The following RGS7 variants were observed in gnomAD, a reference collection of about 807,000 sequenced individuals.
RGS7 encodes regulator of G-protein signaling 7.
Under a neutral mutation model 81.1 loss-of-function variants are expected in RGS7, and 27 were observed. That is an observed-to-expected ratio of 0.33 (90% CI 0.25 to 0.46). RGS7 has a LOEUF of 0.46. Among genes scored for constraint, RGS7 ranks in the 20% least tolerant of loss-of-function variants. RGS7 has a pLI of 1.00. For synonymous variants in RGS7, 208 were observed against 207.7 expected (o/e 1.00, Z -0.01); for missense variants, 396 against 607.4 (o/e 0.65, Z 3.66).
chr1:240,813,055 G>A (rs1241815512), intron 13 of RGS7, among the ~76,000 whole-genome samples: 1 of 152,116 alleles, frequency 6.6e-6, no homozygotes, highest in Non-Finnish European at 1.5e-5. Flanking sequence ...AAAGTGATAC[G>A]CCATGATCCT....
chr1:241,161,548 G>A (rs2069668475), intron 2 of RGS7, among the ~76,000 whole-genome samples: 2 of 123,218 alleles, frequency 1.6e-5, no homozygotes, highest in Admixed American at 1.7e-4. Flanking sequence ...TTATATTAAT[G>A]ATAGTAACTA....
intron 3 of RGS7, among the ~76,000 whole-genome samples, chr1:241,076,833 A>G (rs985883069): frequency 6.6e-6 from 1 of 152,222 alleles, no homozygotes; most frequent in Non-Finnish European, 1.5e-5. Flanking sequence ...AGTCGGTGAG[A>G]AACTCCAACG....
chr1:241,211,098 A>G (rs2074217104), intron 2 of RGS7, among the ~76,000 whole-genome samples: 1 of 152,212 alleles, frequency 6.6e-6, no homozygotes, highest in South Asian at 2.1e-4. Context: ...CAGCCTGGCC[A>G]ACATGGTAAA....
intron 2 of RGS7, among the ~76,000 whole-genome samples, chr1:241,155,569 GAAAAA>G (rs1558136193): frequency 1.2e-5 from 1 of 84,592 alleles, no homozygotes; most frequent in African/African-American, 6.1e-5. Context: ...ATGCTCACTT[GAAAAA>G]AAGAAAAAAA....
At chr1:241,049,161 C>G (rs1209789286) in intron 3 of RGS7, among the ~76,000 whole-genome samples, 5 of 152,180 alleles carry the variant, frequency 3.3e-5, no homozygotes, top group Non-Finnish European at 7.3e-5. Flanking sequence ...GGGGGTAGAT[C>G]TTTAACATAT....
chr1:241,267,579 C>T (rs1187500206), intron 2 of RGS7, among the ~76,000 whole-genome samples: 3 of 152,070 alleles, frequency 2.0e-5, no homozygotes, highest in African/African-American at 7.2e-5. Context: ...ACTGATTTCT[C>T]CCCCTTATTA....
chr1:240,827,293 A>T, intron 9 of RGS7, 121 bp from the exon 10 acceptor site: 1 of 801,324 alleles, frequency 1.2e-6, no homozygotes, highest in East Asian at 2.6e-5. Flanking sequence ...AAATCAAGGG[A>T]GGTGTTTTCT....
At chr1:241,231,946 T>C (rs1408326876) in intron 2 of RGS7, among the ~76,000 whole-genome samples, 2 of 152,226 alleles carry the variant, frequency 1.3e-5, no homozygotes, top group Admixed American at 1.3e-4. Flanking sequence ...TTTAGACGTT[T>C]TATAACTTTT....
rs35591630 is a variant in RGS7 at position 240,944,260 on chromosome 1, ATGTG to A, written c.227-7558_227-7555del. Among the ~76,000 whole-genome samples, 316 of 51,620 alleles carry A rather than the reference ATGTG, an allele frequency of 6.1e-3. 3 individuals are homozygous for A. The highest frequency in any genetic ancestry group is 0.014 in the African/African-American group (180 of 13,186). 33.9% of individuals were successfully genotyped at this position (51,620 alleles called of 152,430 possible). ...CTTTAACAAGATTCTGTTATATTAT[ATGTG>A]TGTGTGTGTGTGTGTGTGTATATAT... is the stretch of plus-strand genomic sequence containing the variant. On this transcript the variant is annotated intron_variant, in intron 4 of 18. Coordinates refer to ENST00000440928, the MANE Select transcript of RGS7 (RefSeq NM_001364886.1).
At position 240,800,664 on chromosome 1, in the gene RGS7, T is replaced by G; in HGVS notation, c.1471A>C (p.Ser491Arg). ...ACCTCTTTTCATAACAGGTTAGTGC[T>G]GGCCCTCAGTGTTGGTGTACAGTTT... ...HKNCTPTLRA[S>R]TNLL Residue 491 changes from serine (S) to arginine (R), a missense_variant, in exon 18 of 19, where the codon AGC (serine) becomes CGC (arginine). Ser to Arg is a moderately radical substitution (Grantham distance 110). Transcript: ENST00000440928. 6.5e-7 allele frequency: 1 copy of G among 1,547,476 alleles called. No homozygotes were observed. The highest frequency in any genetic ancestry group is 8.7e-7 in the Non-Finnish European group (1 of 1,144,494).
intron 3 of RGS7, among the ~76,000 whole-genome samples, chr1:241,086,517 C>G (rs192726911): frequency 6.6e-6 from 1 of 152,096 alleles, no homozygotes; most frequent in East Asian, 1.9e-4. Flanking sequence ...ACTGGCCTGC[C>G]TTGGGTCAAG....
At chr1:241,233,320 A>G (rs1290635305) in intron 2 of RGS7, among the ~76,000 whole-genome samples, 1 of 152,166 alleles carries the variant, frequency 6.6e-6, no homozygotes, top group Non-Finnish European at 1.5e-5. Context: ...ACGGAACACC[A>G]GGTGTTATGT....
chr1:240,906,259 A>G (rs1670798020), intron 6 of RGS7, among the ~76,000 whole-genome samples: 1 of 152,204 alleles, frequency 6.6e-6, no homozygotes, highest in African/African-American at 2.4e-5. Flanking sequence ...GATAGCCCAC[A>G]CAGGTACATC....
chr1:241,275,742 G>T (rs2078160145), intron 2 of RGS7, among the ~76,000 whole-genome samples: 1 of 152,172 alleles, frequency 6.6e-6, no homozygotes, highest in Admixed American at 6.5e-5. Context: ...TTTTAACAAG[G>T]CAGGCTGCAA....
chr1:241,122,644 C>G (rs924321398), intron 2 of RGS7, among the ~76,000 whole-genome samples: 1 of 144,996 alleles, frequency 6.9e-6, no homozygotes, highest in African/African-American at 2.6e-5. Flanking sequence ...GCCTGGCCAG[C>G]AAGAGAGAAA....
intron 2 of RGS7, among the ~76,000 whole-genome samples, chr1:241,232,444 C>A (rs372086980): frequency 6.6e-5 from 10 of 152,012 alleles, no homozygotes; most frequent in African/African-American, 2.2e-4. Context: ...TGGCTTCAAG[C>A]AATCCTCCTG....
In RGS7 at chr1:241,244,865, C is replaced by A. The variant is rs545232780; in HGVS notation, c.78+110834G>T. On this transcript the variant is annotated intron_variant, in intron 2 of 18. Transcript: ENST00000440928. ...GCAAACTATCGCAAGGACAAAAAAA[C>A]CAAGCACCGCATGTTCTCACTCATA... Among the ~76,000 whole-genome samples, 24 of 151,030 alleles carry A rather than the reference C, an allele frequency of 1.6e-4. 1 individual carries two copies. Among genetic ancestry groups the A allele is most frequent in the Admixed American group, 1.3e-3 (20 of 15,098 alleles).
chr1:240,986,314 G>A (rs1030810158), intron 3 of RGS7, among the ~76,000 whole-genome samples: 1 of 152,230 alleles, frequency 6.6e-6, no homozygotes, highest in African/African-American at 2.4e-5. Context: ...CTGCTATACT[G>A]TTTCTTCCTT....
chr1:241,084,549 G>A (rs1304517115), intron 3 of RGS7, among the ~76,000 whole-genome samples: 1 of 152,150 alleles, frequency 6.6e-6, no homozygotes, highest in East Asian at 1.9e-4. Context: ...CAGAATTAAA[G>A]ACATTCTTAT....
Sources: gnomAD v4.1 joint callset for allele counts (sites outside exome capture counted in the v4.1 genomes callset) on GRCh38, gnomAD v4.1.1 for gene constraint, MANE v1.5 for transcripts, NCBI Gene and HGNC (gene_info 2026-07-23, HGNC 2026-07-21) for gene names.